The following LHFPL2 variants were observed in gnomAD, a reference collection of about 807,000 sequenced individuals.
LHFPL2 encodes the protein LHFPL tetraspan subfamily member 2 protein.
Under a neutral mutation model 17.5 loss-of-function variants are expected in LHFPL2, and 7 were observed. That is an observed-to-expected ratio of 0.40 (90% CI 0.23 to 0.75). LHFPL2 has a LOEUF of 0.75. LHFPL2 is among the 30% of genes least tolerant of loss of function. The pLI is 0.37. For synonymous variants in LHFPL2, 134 were observed against 116.2 expected (o/e 1.15, Z -0.99); for missense variants, 241 against 294.8 (o/e 0.82, Z 1.34).
At chr5:78,502,817 T>C (rs1442573605) in intron 4 of LHFPL2, among the ~76,000 whole-genome samples, 2 of 152,242 alleles carry the variant, frequency 1.3e-5, no homozygotes, top group African/African-American at 4.8e-5. Context: ...GTGCTGTCTT[T>C]TCAACACTAC....
At chr5:78,612,736 C>G (rs1744463171) in intron 2 of LHFPL2, among the ~76,000 whole-genome samples, 1 of 152,254 alleles carries the variant, frequency 6.6e-6, no homozygotes, top group Admixed American at 6.5e-5. Context: ...ACAGCGACAA[C>G]CCAGAGGCCT....
intron 1 of LHFPL2, among the ~76,000 whole-genome samples, chr5:78,645,904 T>C (rs1451487821): frequency 6.6e-6 from 1 of 152,178 alleles, no homozygotes; most frequent in Admixed American, 6.5e-5. Flanking sequence ...TATTAAAGCT[T>C]TTTGGAGTAA....
chr5:78,543,505 T>C (rs1364447384), intron 3 of LHFPL2, among the ~76,000 whole-genome samples: 1 of 152,122 alleles, frequency 6.6e-6, no homozygotes, highest in Non-Finnish European at 1.5e-5. Context: ...CACCTGGCCA[T>C]TCTCCCTCAC....
intron 2 of LHFPL2, among the ~76,000 whole-genome samples, chr5:78,571,871 G>A (rs1488090998): frequency 1.3e-5 from 2 of 152,166 alleles, no homozygotes. Context: ...TAAGTTAGTT[G>A]TCTATCCACT....
chr5:78,565,946 TC>T (rs1304278919), intron 2 of LHFPL2, among the ~76,000 whole-genome samples: 1 of 152,250 alleles, frequency 6.6e-6, no homozygotes, highest in Non-Finnish European at 1.5e-5. Flanking sequence ...AGTAATTTCT[TC>T]ATTTAAAAAT....
rs181927005 is a variant in LHFPL2 at position 78,568,981 on chromosome 5, G to A, written c.-244-4110C>T. On this transcript the variant is annotated intron_variant, in intron 2 of 4. Transcript: ENST00000380345. Reference sequence around the variant, plus strand: ...CCACTTAAGCTAAATCACACCATTAGTAAATGACAGAATACGGCCTTCAAT... The same window carrying A: ...CCACTTAAGCTAAATCACACCATTAATAAATGACAGAATACGGCCTTCAAT... Among the ~76,000 whole-genome samples the A allele has an allele frequency of 1.6e-4, 24 of 152,216 alleles. 1 individual carries two copies. The highest frequency in any genetic ancestry group is 1.8e-4 in the Non-Finnish European group (12 of 68,028).
At chr5:78,509,762 G>A (rs748319014) in intron 4 of LHFPL2, 22 bp downstream of exon 4, 2 of 1,598,292 alleles carry the variant, frequency 1.3e-6, no homozygotes, top group Admixed American at 1.7e-5. Flanking sequence ...ATCCCACCGT[G>A]CCCGGGGTCC....
Position 78,593,137 on chromosome 5 carries a change from G to A in LHFPL2, c.-244-28266C>T, listed in dbSNP as rs967050380. ...TACACAGCAGTTCCAGGACACTACC[G>A]GGTGCTGACATTCACGGGGGGCGAA... On this transcript the variant is annotated intron_variant, in intron 2 of 4. Transcript: ENST00000380345. Among the ~76,000 whole-genome samples, 18 of 152,224 alleles carry A rather than the reference G, an allele frequency of 1.2e-4. No individual in the cohort carries two copies. In the East Asian group the frequency reaches 2.3e-3, roughly 20 times the overall value.
chr5:78,618,409 G>A (rs1294575273), intron 2 of LHFPL2, among the ~76,000 whole-genome samples: 1 of 152,194 alleles, frequency 6.6e-6, no homozygotes, highest in Non-Finnish European at 1.5e-5. Flanking sequence ...ATGTGGCAAT[G>A]GCAGAGGTCG....
intron 2 of LHFPL2, among the ~76,000 whole-genome samples, chr5:78,611,835 A>G (rs1744433253): frequency 6.6e-6 from 1 of 152,188 alleles, no homozygotes; most frequent in Non-Finnish European, 1.5e-5. Context: ...ATCTATCGTT[A>G]AAACTCAGAA....
At chr5:78,601,159 A>G (rs1743997746) in intron 2 of LHFPL2, among the ~76,000 whole-genome samples, 1 of 152,238 alleles carries the variant, frequency 6.6e-6, no homozygotes, top group African/African-American at 2.4e-5. Context: ...AAGTAGAACA[A>G]TTCCTACCAT....
chr5:78,538,868 C>G (rs1429557534), intron 3 of LHFPL2, among the ~76,000 whole-genome samples: 1 of 152,218 alleles, frequency 6.6e-6, no homozygotes, highest in African/African-American at 2.4e-5. Context: ...ATCCTTTGTA[C>G]TGTCCAGTGA....
chr5:78,624,960 G>C (rs764881477), intron 2 of LHFPL2: 1 of 152,024 alleles, frequency 6.6e-6, no homozygotes, highest in Non-Finnish European at 1.5e-5. Flanking sequence ...CTGCCACCAC[G>C]CCCAGCTAAT....
intron 3 of LHFPL2, among the ~76,000 whole-genome samples, chr5:78,559,421 A>C (rs757170128): frequency 6.6e-6 from 1 of 152,230 alleles, no homozygotes; most frequent in Non-Finnish European, 1.5e-5. Context: ...TAGTCCATCA[A>C]GGGAAGCAAC....
intron 1 of LHFPL2, among the ~76,000 whole-genome samples, chr5:78,635,300 C>T (rs1203758231): frequency 1.3e-5 from 2 of 152,216 alleles, no homozygotes; most frequent in Non-Finnish European, 2.9e-5. Context: ...ATGCACATTA[C>T]CTAGGTGGCA....
At chr5:78,619,985 T>C (rs372280109) in intron 2 of LHFPL2, among the ~76,000 whole-genome samples, 2 of 105,434 alleles carry the variant, frequency 1.9e-5, no homozygotes, top group Non-Finnish European at 3.9e-5. Context: ...TGTGTCTTTA[T>C]AGCAGCATGA....
At chr5:78,549,159 T>C (rs6877525) in intron 3 of LHFPL2, 73,997 of 152,108 alleles carry the variant, frequency 0.49, 18,756 homozygotes, top group African/African-American at 0.63. Flanking sequence ...TGTCTGGTCA[T>C]GAATGCTGCC....
At chr5:78,566,540 T>C (rs1756865119) in intron 2 of LHFPL2, among the ~76,000 whole-genome samples, 1 of 152,048 alleles carries the variant, frequency 6.6e-6, no homozygotes, top group South Asian at 2.1e-4. Flanking sequence ...CTTGGCTCAC[T>C]GCAACCTCCA....
At chr5:78,518,463 C>T (rs2112337436) in intron 3 of LHFPL2, among the ~76,000 whole-genome samples, 1 of 152,272 alleles carries the variant, frequency 6.6e-6, no homozygotes, top group Middle Eastern at 3.4e-3. Context: ...AGAGGAAATC[C>T]CCAAATATTT....
Sources: gnomAD v4.1 joint callset for allele counts (sites outside exome capture counted in the v4.1 genomes callset) on GRCh38, gnomAD v4.1.1 for gene constraint, MANE v1.5 for transcripts, NCBI Gene and HGNC (gene_info 2026-07-23, HGNC 2026-07-21) for gene names.